KIF26B: variants seen among roughly 807,000 people sequenced by gnomAD.
The protein encoded by KIF26B is kinesin-like protein KIF26B.
In KIF26B, 63 loss-of-function variants were observed where a neutral mutation model predicts 151.2. That is an observed-to-expected ratio of 0.42 (90% CI 0.34 to 0.51). The LOEUF (loss-of-function observed/expected upper bound fraction) is 0.51. Ranked by LOEUF, KIF26B falls within the 20% of genes least tolerant of loss-of-function variation. The pLI is 0.07. For synonymous variants in KIF26B, 1,357 were observed against 1,262.1 expected (o/e 1.08, Z -1.59); for missense variants, 2,813 against 2,913.6 (o/e 0.97, Z 0.79).
rs751139875 is a variant in KIF26B at position 245,156,524 on chromosome 1, C to T, written c.306C>T (p.Gly102=). 1.0e-5 allele frequency: 16 copies of T among 1,533,850 alleles called. No homozygotes were observed. The highest frequency in any genetic ancestry group is 1.3e-5 in the Non-Finnish European group (15 of 1,145,324). ...IGTSSPGSLG[G]SPGFGTGSPG... is the part of the protein sequence containing the mutation. ...CTAGTTCGCCGGGCTCCTTGGGCGG[C>T]TCTCCGGGCTTCGGCACAGGCTCCC... is the stretch of plus-strand genomic sequence containing the variant. The change falls in exon 2 of 15, where the codon GGC becomes GGT. Residue 102 remains glycine (G), a synonymous_variant. Transcript: ENST00000407071.
chr1:245,554,817 A>G (rs1264760842), intron 5 of KIF26B, among the ~76,000 whole-genome samples: 1 of 152,198 alleles, frequency 6.6e-6, no homozygotes, highest in African/African-American at 2.4e-5. Context: ...GTTGCCCTGC[A>G]ATTAGTTCAT....
chr1:245,177,694 G>A (rs6676674), intron 2 of KIF26B, among the ~76,000 whole-genome samples: 24,527 of 149,848 alleles, frequency 0.16, 2,845 homozygotes, highest in East Asian at 0.32. Flanking sequence ...GTGTGTGTGT[G>A]TCTTTCCCCC....
At chr1:245,193,663 G>A (rs1669146869) in intron 2 of KIF26B, among the ~76,000 whole-genome samples, 2 of 152,204 alleles carry the variant, frequency 1.3e-5, no homozygotes. Context: ...CTGAGATGTA[G>A]GTACTGTTAT....
intron 9 of KIF26B, among the ~76,000 whole-genome samples, chr1:245,640,143 C>CTCTATATATATA: frequency 9.4e-5 from 3 of 31,922 alleles, no homozygotes; most frequent in South Asian, 2.5e-3. Flanking sequence ...CTCTCTCTCT[C>CTCTATATATATA]TATATATATA....
chr1:245,303,751 T>G (rs1203926977), intron 2 of KIF26B, among the ~76,000 whole-genome samples: 2 of 152,194 alleles, frequency 1.3e-5, no homozygotes, highest in East Asian at 3.8e-4. Flanking sequence ...CAAACACTGA[T>G]AAAATATACA....
At chr1:245,230,132 AAAAAC>A (rs10669398) in intron 2 of KIF26B, among the ~76,000 whole-genome samples, 16 of 142,766 alleles carry the variant, frequency 1.1e-4, no homozygotes, top group African/African-American at 4.2e-4. Flanking sequence ...GACTCCATCT[AAAAAC>A]AAAACAAAAC....
chr1:245,434,824 G>T (rs1093917), intron 4 of KIF26B, among the ~76,000 whole-genome samples: 3,837 of 152,172 alleles, frequency 0.025, 164 homozygotes, highest in African/African-American at 0.087. Flanking sequence ...ACAGACTCTG[G>T]TATCTTCCTT....
chr1:245,669,290 C>A (rs1047386593), intron 10 of KIF26B, among the ~76,000 whole-genome samples: 1 of 152,050 alleles, frequency 6.6e-6, no homozygotes, highest in African/African-American at 2.4e-5. Context: ...GGCTTCTGAA[C>A]CACAGATGCT....
At chr1:245,625,755 A>C (rs953962542) in intron 9 of KIF26B, among the ~76,000 whole-genome samples, 1 of 151,718 alleles carries the variant, frequency 6.6e-6, no homozygotes, top group African/African-American at 2.4e-5. Context: ...CTGTTAACCC[A>C]CCTGTTTTAT....
At chr1:245,559,795 C>G (rs2042921243) in intron 5 of KIF26B, among the ~76,000 whole-genome samples, 2 of 152,166 alleles carry the variant, frequency 1.3e-5, no homozygotes, top group African/African-American at 4.8e-5. Flanking sequence ...ATCCTCCCAC[C>G]TCAGCCTCCC....
At chr1:245,484,657 G>T (rs1340966835) in intron 4 of KIF26B, among the ~76,000 whole-genome samples, 2 of 152,052 alleles carry the variant, frequency 1.3e-5, no homozygotes, top group African/African-American at 4.8e-5. Flanking sequence ...TGCAGATTTG[G>T]AGATTGTTCC....
chr1:245,366,787 C>G, intron 2 of KIF26B, 47 bp from the exon 3 acceptor site: 1 of 1,584,870 alleles, frequency 6.3e-7, no homozygotes, highest in South Asian at 1.1e-5. Context: ...GCACTAGCAG[C>G]CTTGGAGTTA....
rs1176879464 is a variant in KIF26B at position 245,688,392 on chromosome 1, C to T, written c.5409C>T (p.Ala1803=). The T allele has an allele frequency of 4.0e-6, 6 of 1,515,098 alleles. No homozygotes were observed. The highest frequency in any genetic ancestry group is 4.1e-5 in the Admixed American group (2 of 48,920). 93.9% of individuals were successfully genotyped at this position (1,515,098 alleles called of 1,614,324 possible). The change falls in exon 12 of 15, where the codon GCC becomes GCT. Residue 1803 remains alanine, a synonymous_variant. Coordinates refer to ENST00000407071, the MANE Select transcript of KIF26B (RefSeq NM_018012.4). ...TGGCCTCCAAGCTTCCCCTGCGGGC[C>T]GTCAGCGGGCGCATCTCGGAGCTGC... ...SGLASKLPLR[A]VSGRISELLQ...
chr1:245,690,030 T>C (rs551925571), intron 12 of KIF26B, among the ~76,000 whole-genome samples: 8 of 151,526 alleles, frequency 5.3e-5, no homozygotes, highest in Non-Finnish European at 8.8e-5. Flanking sequence ...GGTCTTGGGG[T>C]AGGAGAAATG....
chr1:245,568,733 G>C (rs1387893870), intron 5 of KIF26B, among the ~76,000 whole-genome samples: 1 of 152,184 alleles, frequency 6.6e-6, no homozygotes, highest in African/African-American at 2.4e-5. Context: ...AGTTGATTTT[G>C]TGTCTTGCAT....
At chr1:245,324,975 A>G (rs1476614247) in intron 2 of KIF26B, among the ~76,000 whole-genome samples, 2 of 151,736 alleles carry the variant, frequency 1.3e-5, no homozygotes, top group African/African-American at 2.4e-5. Context: ...TGCACCTGTA[A>G]TCCCACCTAC....
chr1:245,600,269 A>C (rs2043381166), intron 5 of KIF26B, among the ~76,000 whole-genome samples: 1 of 131,830 alleles, frequency 7.6e-6, no homozygotes, highest in Non-Finnish European at 1.7e-5. Context: ...CTATCTCCTG[A>C]CCTTGTGATC....
At chr1:245,444,317 T>G (rs1034230440) in intron 4 of KIF26B, among the ~76,000 whole-genome samples, 3 of 152,146 alleles carry the variant, frequency 2.0e-5, no homozygotes, top group Admixed American at 6.5e-5. Context: ...TCAAGCAGGC[T>G]CCAGTGGCCT....
Position 245,166,693 on chromosome 1 carries a change from A to AATCCGGGTTTATCTGCCTTCCC in KIF26B, c.465+10014_465+10015insGGGTTTATCTGCCTTCCCATCC, listed in dbSNP as rs1241494296. On this transcript the variant is annotated intron_variant, in intron 2 of 14. Coordinates refer to ENST00000407071, the MANE Select transcript of KIF26B (RefSeq NM_018012.4). This position sits in a 1 kb window ranked among gnomAD's most constrained non-coding sequence, Gnocchi z 4.5. ...AGGAATTTGGGCTTATCTGCCTTCC[A>AATCCGGGTTTATCTGCCTTCCC]ATCCAGCTTTATCTGTCTCAGACGG... 1.3e-5 allele frequency among the ~76,000 whole-genome samples: 2 copies of AATCCGGGTTTATCTGCCTTCCC among 152,214 alleles called. No individual in the cohort carries two copies. The highest frequency in any genetic ancestry group is 2.9e-5 in the Non-Finnish European group (2 of 68,050).
Sources: gnomAD v4.1 joint callset for allele counts (sites outside exome capture counted in the v4.1 genomes callset) on GRCh38, gnomAD v4.1.1 for gene constraint, Gnocchi (gnomAD v3.1) non-coding constraint, MANE v1.5 for transcripts, NCBI Gene and HGNC (gene_info 2026-07-23, HGNC 2026-07-21) for gene names.